The following BTNL3 variants were observed in gnomAD, a reference collection of about 807,000 sequenced individuals.
The protein encoded by BTNL3 is butyrophilin like 3.
Under a neutral mutation model 40.1 loss-of-function variants are expected in BTNL3, and 20 were observed. The observed-to-expected ratio is 0.50, with a 90% CI of 0.35 to 0.72. The LOEUF (loss-of-function observed/expected upper bound fraction) is 0.72. Ranked by LOEUF, BTNL3 falls within the 30% of genes least tolerant of loss-of-function variation. The pLI is 0.01. For missense variants in BTNL3, 449 were observed against 582.2 expected, an observed-to-expected ratio of 0.77 and a Z score of 2.35; for synonymous variants, 179 against 222.1, an observed-to-expected ratio of 0.81 and a Z score of 1.73.
rs56895500 is a variant in BTNL3, at chr5:181,002,471, AATATATATATATATAT to A, written c.674-182_674-167del. On this transcript the variant is annotated intron_variant, in intron 3 of 7. Transcript: ENST00000342868. ...TAACGCGCACACACACACACACGTG[AATATATATATATATAT>A]ATATATATATATATATATGAAATCC... is the stretch of plus-strand genomic sequence containing the variant. Among the ~76,000 whole-genome samples, 184 of 73,886 alleles carry A rather than the reference AATATATATATATATAT, an allele frequency of 2.5e-3. 19 individuals are homozygous for A. The highest frequency in any genetic ancestry group is 6.7e-3 in the African/African-American group (161 of 23,990). 48.5% of individuals were successfully genotyped at this position (73,886 alleles called of 152,430 possible). A position where few individuals can be genotyped will look rare whatever the true frequency, so the allele number is the denominator to read the frequency against.
At chr5:180,995,838 T>C (rs76591340) in intron 2 of BTNL3, among the ~76,000 whole-genome samples, 11,077 of 135,064 alleles carry the variant, frequency 0.082, 2,672 homozygotes, top group South Asian at 0.14. Flanking sequence ...GTGTTTTTTT[T>C]CTACTCCTGG....
chr5:180,993,533 TGTTA>T (rs1475933190), intron 2 of BTNL3, among the ~76,000 whole-genome samples: 1 of 137,426 alleles, frequency 7.3e-6, no homozygotes. Flanking sequence ...CACAACTTAT[TGTTA>T]GTCTTTTTTT....
Position 180,993,539 on chromosome 5 carries a change from T to C in BTNL3, c.397+379T>C, listed in dbSNP as rs1301603745. On this transcript the variant is annotated intron_variant, in intron 2 of 7. Coordinates refer to ENST00000342868, the MANE Select transcript of BTNL3 (RefSeq NM_197975.3). ...GGATTCCATCACAACTTATTGTTAG[T>C]CTTTTTTTAGTATAACATTTTGTAG... is the stretch of plus-strand genomic sequence containing the variant. Among the ~76,000 whole-genome samples, 4 of 137,220 alleles carry C rather than the reference T, an allele frequency of 2.9e-5. 1 individual carries two copies. Among genetic ancestry groups the C allele is most frequent in the Non-Finnish European group, 6.7e-5 (4 of 59,984 alleles). The allele number at this position is 137,220 out of a possible 152,430, so 90.0% of individuals were successfully genotyped here.
intron 3 of BTNL3, among the ~76,000 whole-genome samples, chr5:181,000,422 A>G (rs1760090501): frequency 7.3e-6 from 1 of 137,360 alleles, no homozygotes; most frequent in Non-Finnish European, 1.7e-5. Flanking sequence ...AAAGATATCT[A>G]AAGATACTTG....
intron 2 of BTNL3, among the ~76,000 whole-genome samples, chr5:180,994,237 T>C (rs1159359251): frequency 1.5e-5 from 2 of 137,676 alleles, no homozygotes; most frequent in Non-Finnish European, 3.3e-5. Context: ...TTTGAAGAAT[T>C]TCCTCCAGCC....
chr5:181,001,844 CAACAAAACAA>C (rs111642156), intron 3 of BTNL3, among the ~76,000 whole-genome samples: 6 of 120,454 alleles, frequency 5.0e-5, no homozygotes, highest in Non-Finnish European at 1.1e-4. Flanking sequence ...GACTCTGTCT[CAACAAAACAA>C]AACAAAACAA....
chr5:180,989,388 T>C (rs1759941766), intron 1 of BTNL3, among the ~76,000 whole-genome samples: 1 of 136,984 alleles, frequency 7.3e-6, no homozygotes, highest in Non-Finnish European at 1.7e-5. Context: ...CACATTGTTC[T>C]CCCCAGGTGG....
chr5:181,004,881 C>T, intron 7 of BTNL3, 119 bp downstream of exon 7: 2 of 1,577,782 alleles, frequency 1.3e-6, no homozygotes, highest in Non-Finnish European at 1.7e-6. Flanking sequence ...CCCCAGGGTG[C>T]AGCTGCCTCT....
intron 3 of BTNL3, among the ~76,000 whole-genome samples, chr5:181,001,088 A>C (rs1229561441): frequency 2.9e-5 from 4 of 136,954 alleles, no homozygotes; most frequent in African/African-American, 1.0e-4. Context: ...CGTGTTCATG[A>C]AAAATGAGAG....
rs1247620403 is a variant in BTNL3, at chr5:181,005,855, C to T, written c.1384C>T (p.Pro462Ser). Residue 462 changes from proline (P) to serine (S), a missense_variant, in exon 8 of 8, where the codon CCA becomes TCA. Physicochemically the swap from Pro to Ser is moderately conservative, Grantham distance 74 (BLOSUM62 -1). Around this residue, in one of 2 missense-constraint regions of BTNL3, gnomAD observed 126 missense variants for 117.2 expected, o/e 1.07. Coordinates refer to ENST00000342868, the MANE Select transcript of BTNL3 (RefSeq NM_197975.3). ...EEKGTPIFIC[P>S]VSWG is the part of the protein sequence containing the mutation. ...AAAGGGGACTCCCATATTCATATGT[C>T]CAGTGTCCTGGGGATGAGACAGAGA... 1 of 1,607,060 alleles carries T rather than the reference C, an allele frequency of 6.2e-7. No homozygotes were observed. Among genetic ancestry groups the T allele is most frequent in the African/African-American group, 1.3e-5 (1 of 74,726 alleles).
intron 4 of BTNL3, among the ~76,000 whole-genome samples, chr5:181,003,596 C>T (rs115368274): frequency 0.038 from 5,462 of 143,358 alleles, 221 homozygotes; most frequent in Middle Eastern, 0.078. Flanking sequence ...CCCTCCCAGC[C>T]GCCTTCTCCC....
rs1760216340 is a variant in BTNL3, at chr5:181,005,727, CCTT to C, written c.1261_1263del (p.Phe421del). ...CTGGACTATGAGGGTGGGACCATCT[CCTT>C]CTTCAATACAAATGACCAGTCCCTT... is the stretch of plus-strand genomic sequence containing the variant. On this transcript the variant is annotated inframe_deletion, in exon 8 of 8. Coordinates refer to ENST00000342868, the MANE Select transcript of BTNL3 (RefSeq NM_197975.3). The C allele has an allele frequency of 6.8e-6, 11 of 1,614,026 alleles. No individual in the cohort carries two copies. In the East Asian group the frequency reaches 2.0e-4, roughly 29 times the overall value.
chr5:180,997,250 T>C lies in BTNL3; in HGVS notation c.435T>C (p.Tyr145=), dbSNP rs2113080312. The change falls in exon 3 of 8, where the codon TAT becomes TAC. Residue 145 remains tyrosine, a synonymous_variant. Coordinates refer to ENST00000342868, the MANE Select transcript of BTNL3 (RefSeq NM_197975.3). ...TTCCTCTCATTTCCATCGTGGGATATGTTGACGGAGGTATCCAGTTACTCT... is the reference window on the plus strand; with the variant it reads ...TTCCTCTCATTTCCATCGTGGGATACGTTGACGGAGGTATCCAGTTACTCT... ...GSLPLISIVG[Y]VDGGIQLLCL... 2 of 1,464,620 alleles carry C rather than the reference T, an allele frequency of 1.4e-6. No individual in the cohort carries two copies. Among genetic ancestry groups the C allele is most frequent in the African/African-American group, 1.4e-5 (1 of 72,894 alleles). The allele number at this position is 1,464,620 out of a possible 1,614,324, so 90.7% of individuals were successfully genotyped here. A position where few individuals can be genotyped will look rare whatever the true frequency, so the allele number is the denominator to read the frequency against.
At chr5:180,998,353 A>G (rs1260151757) in intron 3 of BTNL3, among the ~76,000 whole-genome samples, 1 of 136,526 alleles carries the variant, frequency 7.3e-6, no homozygotes, top group Admixed American at 7.8e-5. Flanking sequence ...TACCTTATAC[A>G]TGTAAAACAT....
At chr5:180,993,892 C>T (rs1431185485) in intron 2 of BTNL3, among the ~76,000 whole-genome samples, 1 of 137,216 alleles carries the variant, frequency 7.3e-6, no homozygotes. Context: ...CCTCCACCTC[C>T]TGGATTCAAG....
intron 3 of BTNL3, among the ~76,000 whole-genome samples, chr5:181,001,248 C>A (rs1272434732): frequency 1.5e-5 from 2 of 136,800 alleles, no homozygotes; most frequent in Non-Finnish European, 3.3e-5. Flanking sequence ...TACCAGTTCT[C>A]CTAGAATTGC....
At chr5:181,000,835 A>T (rs1295998908) in intron 3 of BTNL3, among the ~76,000 whole-genome samples, 1 of 135,438 alleles carries the variant, frequency 7.4e-6, no homozygotes, top group Admixed American at 7.8e-5. Context: ...AATAAAATAA[A>T]AAAATAAAAT....
rs200819254 is a variant in BTNL3 at position 180,993,083 on chromosome 5, C to T, written c.320C>T (p.Ser107Leu). ...CTAAGGCTAAAAAACATCACTCCCT[C>T]GGACATCGGCCTGTATGGGTGCTGG... ...VSLRLKNITP[S>L]DIGLYGCWFS... Residue 107 changes from serine to leucine, a missense_variant, in exon 2 of 8, where the codon TCG becomes TTG. Ser to Leu is a moderately radical substitution (Grantham distance 145, BLOSUM62 -2). Around this residue, in one of 2 missense-constraint regions of BTNL3, gnomAD observed 323 missense variants for 464.9 expected, o/e 0.69. Coordinates refer to ENST00000342868, the MANE Select transcript of BTNL3 (RefSeq NM_197975.3). 6.5e-5 allele frequency: 95 copies of T among 1,452,954 alleles called. 14 individuals are homozygous for T. In the African/African-American group the frequency reaches 1.1e-3, roughly 17 times the overall value. The allele number at this position is 1,452,954 out of a possible 1,614,324, so 90.0% of individuals were successfully genotyped here.
At chr5:181,004,793 A>G (rs759337826) in intron 7 of BTNL3, 31 bp downstream of exon 7, 24 of 1,613,534 alleles carry the variant, frequency 1.5e-5, no homozygotes, top group Non-Finnish European at 2.0e-5. Context: ...AACAGTGGGC[A>G]TGGAGTAGGA....
Sources: allele counts gnomAD v4.1 joint callset (sites outside exome capture counted in the v4.1 genomes callset), GRCh38; gene constraint gnomAD v4.1.1; regional missense constraint gnomAD v4.1.1; transcripts MANE v1.5; gene names NCBI Gene and HGNC (gene_info 2026-07-23, HGNC 2026-07-21).